THSD4: variants seen among roughly 807,000 people sequenced by gnomAD.
The protein encoded by THSD4 is thrombospondin type 1 domain containing 4.
THSD4 carries 69 observed loss-of-function variants against 119.0 expected under a neutral mutation model. The ratio of observed to expected loss-of-function variants is 0.58; its 90% confidence interval spans 0.48 to 0.71. THSD4 has a LOEUF of 0.71. THSD4 is among the 30% of genes least tolerant of loss of function. THSD4 has a pLI of 0.00. For missense variants in THSD4, 1,393 were observed against 1,391.1 expected, an observed-to-expected ratio of 1.00 and a Z score of -0.02; for synonymous variants, 524 against 540.4, an observed-to-expected ratio of 0.97 and a Z score of 0.42.
rs2053143786 is a variant in THSD4, at chr15:71,737,765, G to T, written c.1664G>T (p.Gly555Val). 6 of 1,613,298 alleles carry T rather than the reference G, an allele frequency of 3.7e-6. No homozygotes were observed. The highest frequency in any genetic ancestry group is 5.1e-6 in the Non-Finnish European group (6 of 1,179,606). ...TTCAATGGCCAGATGGTGACAGAAG[G>T]CAGGAGCCAGGAGGAGGGAGAACAG... is the stretch of plus-strand genomic sequence containing the variant. ...EPFNGQMVTE[G>V]RSQEEGEQKG... The change falls in exon 11 of 18, where the codon GGC (glycine) becomes GTC (valine). Residue 555 changes from glycine to valine, a missense_variant. Coordinates refer to ENST00000261862, the MANE Select transcript of THSD4 (RefSeq NM_024817.3).
chr15:71,337,443 C>T (rs1009400710), intron 6 of THSD4, among the ~76,000 whole-genome samples: 1 of 152,212 alleles, frequency 6.6e-6, no homozygotes, highest in African/African-American at 2.4e-5. Flanking sequence ...GGAGAAAAAC[C>T]GCAAATACTT....
At chr15:71,739,420 G>C (rs986321927) in intron 11 of THSD4, among the ~76,000 whole-genome samples, 1 of 152,190 alleles carries the variant, frequency 6.6e-6, no homozygotes, top group African/African-American at 2.4e-5. Flanking sequence ...TAGGCTGAAA[G>C]CAAGACATGG....
intron 7 of THSD4, among the ~76,000 whole-genome samples, chr15:71,458,717 C>A (rs1052574439): frequency 1.3e-5 from 2 of 152,152 alleles, no homozygotes; most frequent in Non-Finnish European, 2.9e-5. Context: ...TAGCCTAGGA[C>A]TTTCTAAAAG....
chr15:71,543,381 A>G (rs941935055), intron 7 of THSD4, among the ~76,000 whole-genome samples: 3 of 152,146 alleles, frequency 2.0e-5, no homozygotes, highest in African/African-American at 7.2e-5. Flanking sequence ...TTGCTACATA[A>G]AGTCAAGAAG....
chr15:71,391,820 G>T (rs2140469831), intron 6 of THSD4, among the ~76,000 whole-genome samples: 1 of 152,268 alleles, frequency 6.6e-6, no homozygotes, highest in Non-Finnish European at 1.5e-5. Context: ...CAAGAAGGAA[G>T]ATTAAAACTA....
intron 3 of THSD4, among the ~76,000 whole-genome samples, chr15:71,183,574 T>C (rs1201569310): frequency 6.6e-6 from 1 of 151,734 alleles, no homozygotes; most frequent in Non-Finnish European, 1.5e-5. Flanking sequence ...GTCTGACTCA[T>C]AGTAAATACT....
At chr15:71,447,172 G>A (rs2047197078) in intron 7 of THSD4, among the ~76,000 whole-genome samples, 1 of 141,356 alleles carries the variant, frequency 7.1e-6, no homozygotes, top group Non-Finnish European at 1.5e-5. Context: ...CCAGGCTGGA[G>A]TGCAGTGATG....
chr15:71,606,582 C>T (rs1316105690), intron 7 of THSD4, among the ~76,000 whole-genome samples: 6 of 152,024 alleles, frequency 3.9e-5, no homozygotes, highest in South Asian at 2.1e-4. Flanking sequence ...CTCTTGTTGC[C>T]CAGGCCAGAG....
At chr15:71,222,541 T>A (rs1278668888) in intron 4 of THSD4, among the ~76,000 whole-genome samples, 2 of 152,176 alleles carry the variant, frequency 1.3e-5, no homozygotes, top group Non-Finnish European at 2.9e-5. Flanking sequence ...GGCTGGGATA[T>A]GAAAGCCTCA....
intron 6 of THSD4, among the ~76,000 whole-genome samples, chr15:71,259,090 A>G (rs1009763128): frequency 2.6e-5 from 4 of 151,880 alleles, no homozygotes; most frequent in African/African-American, 9.7e-5. Context: ...TGCAGCCTGG[A>G]CAACAAGAGT....
At chr15:71,602,021 G>A (rs2050020332) in intron 7 of THSD4, among the ~76,000 whole-genome samples, 1 of 152,182 alleles carries the variant, frequency 6.6e-6, no homozygotes, top group African/African-American at 2.4e-5. Flanking sequence ...CATGATGTAG[G>A]AGGTGGGATT....
chr15:71,679,243 G>A (rs1302343981), intron 8 of THSD4, among the ~76,000 whole-genome samples: 1 of 152,176 alleles, frequency 6.6e-6, no homozygotes, highest in African/African-American at 2.4e-5. Flanking sequence ...ACTCTAATAG[G>A]ATAATCAGAG....
At chr15:71,263,171 A>G (rs2044421436) in intron 6 of THSD4, among the ~76,000 whole-genome samples, 2 of 151,614 alleles carry the variant, frequency 1.3e-5, no homozygotes, top group South Asian at 4.2e-4. Context: ...GTCTGTGTCC[A>G]TGTGTTCTCT....
chr15:71,386,217 A>G (rs1372039647), intron 6 of THSD4, among the ~76,000 whole-genome samples: 3 of 152,222 alleles, frequency 2.0e-5, no homozygotes, highest in Non-Finnish European at 2.9e-5. Flanking sequence ...TCCATTAAAA[A>G]TCAAAGACAA....
intron 7 of THSD4, among the ~76,000 whole-genome samples, chr15:71,596,264 C>T (rs1354151587): frequency 6.6e-6 from 1 of 152,200 alleles, no homozygotes; most frequent in African/African-American, 2.4e-5. Context: ...CAGTGTGTGT[C>T]ACCCTTCTGT....
intron 1 of THSD4, among the ~76,000 whole-genome samples, chr15:71,101,903 G>A (rs1224248294): frequency 1.2e-4 from 18 of 151,940 alleles, no homozygotes; most frequent in African/African-American, 2.4e-4. Context: ...TCGTAGAGAC[G>A]GGGTTTCACC....
chr15:71,563,921 T>C (rs1160335871), intron 7 of THSD4, among the ~76,000 whole-genome samples: 1 of 152,050 alleles, frequency 6.6e-6, no homozygotes, highest in African/African-American at 2.4e-5. Flanking sequence ...AGCCCTGACT[T>C]GTTTTGGGGG....
At chr15:71,438,757 A>G (rs958234779) in intron 7 of THSD4, among the ~76,000 whole-genome samples, 2 of 152,232 alleles carry the variant, frequency 1.3e-5, no homozygotes, top group African/African-American at 4.8e-5. Context: ...AAAGAAGCAG[A>G]ACACACAGGT....
chr15:71,180,413 G>T (rs1361331029), intron 3 of THSD4, among the ~76,000 whole-genome samples: 1 of 152,174 alleles, frequency 6.6e-6, no homozygotes, highest in Non-Finnish European at 1.5e-5. Context: ...GTTTAGGAGG[G>T]ATGATAGTAA....
Sources: allele counts gnomAD v4.1 joint callset (sites outside exome capture counted in the v4.1 genomes callset), GRCh38; gene constraint gnomAD v4.1.1; transcripts MANE v1.5; gene names NCBI Gene and HGNC (gene_info 2026-07-23, HGNC 2026-07-21).